CTNNA2: variants seen among roughly 807,000 people sequenced by gnomAD.
CTNNA2 encodes catenin alpha 2.
CTNNA2 carries 42 observed loss-of-function variants against 101.0 expected under a neutral mutation model. That is an observed-to-expected ratio of 0.42 (90% confidence interval 0.32 to 0.54). CTNNA2 has a LOEUF of 0.54. CTNNA2 is among the 20% of genes least tolerant of loss of function. CTNNA2 has a pLI of 0.14. For synonymous variants in CTNNA2, 450 were observed against 456.4 expected, an observed-to-expected ratio of 0.99 and a Z score of 0.18; for missense variants, 871 against 1,223.1, an observed-to-expected ratio of 0.71 and a Z score of 4.29.
At chr2:80,161,313 G>A (rs1003400426) in intron 7 of CTNNA2, among the ~76,000 whole-genome samples, 9 of 152,112 alleles carry the variant, frequency 5.9e-5, no homozygotes, top group African/African-American at 1.9e-4. Flanking sequence ...CCCATGCACA[G>A]CCCTTAGCTT....
At chr2:79,680,462 C>CA (rs1227889703) in intron 2 of CTNNA2, among the ~76,000 whole-genome samples, 11 of 151,750 alleles carry the variant, frequency 7.2e-5, no homozygotes, top group South Asian at 2.1e-4. Flanking sequence ...ACAGAGGTGT[C>CA]AAAAAAATGT....
intron 8 of CTNNA2, among the ~76,000 whole-genome samples, chr2:80,396,032 A>T (rs1179971902): frequency 2.0e-5 from 3 of 152,222 alleles, no homozygotes; most frequent in Non-Finnish European, 2.9e-5. Context: ...ATTGAAAAGA[A>T]ACAAAGTCAA....
chr2:79,861,117 C>T (rs1681591829), intron 4 of CTNNA2, among the ~76,000 whole-genome samples: 1 of 152,086 alleles, frequency 6.6e-6, no homozygotes, highest in South Asian at 2.1e-4. Context: ...GTGACAGTTG[C>T]TTTCTAAGAA....
intron 15 of CTNNA2, chr2:80,603,501 A>G (rs576591667): frequency 6.6e-6 from 1 of 152,224 alleles, no homozygotes; most frequent in East Asian, 1.9e-4. Context: ...GCAAGAGATA[A>G]TTGCTTCTCA....
chr2:79,578,722 C>T (rs954849051), intron 1 of CTNNA2, among the ~76,000 whole-genome samples: 12 of 152,070 alleles, frequency 7.9e-5, no homozygotes, highest in African/African-American at 2.2e-4. Context: ...ATTCTGTTTC[C>T]GGGGCCTGTT....
intron 7 of CTNNA2, among the ~76,000 whole-genome samples, chr2:80,137,844 AC>A (rs1702782692): frequency 6.6e-6 from 1 of 152,024 alleles, no homozygotes; most frequent in South Asian, 2.1e-4. Flanking sequence ...ATTTTAAACA[AC>A]AAAGTATTGT....
At chr2:80,446,822 T>G (rs1204301051) in intron 9 of CTNNA2, among the ~76,000 whole-genome samples, 5 of 152,158 alleles carry the variant, frequency 3.3e-5, no homozygotes, top group African/African-American at 1.2e-4. Flanking sequence ...CAGTATAAAT[T>G]TTCATTTCAT....
At chr2:79,414,335 A>C (rs1198538810) in intron 4 of CTNNA2, among the ~76,000 whole-genome samples, 1 of 152,094 alleles carries the variant, frequency 6.6e-6, no homozygotes, top group African/African-American at 2.4e-5. Context: ...AGACTTATAG[A>C]CTATGAAAGT....
chr2:80,468,068 C>T (rs1266597698), intron 9 of CTNNA2, among the ~76,000 whole-genome samples: 4 of 152,138 alleles, frequency 2.6e-5, no homozygotes, highest in African/African-American at 9.7e-5. Flanking sequence ...TCTGTTGCTA[C>T]CAGTGTCCTT....
At chr2:80,504,406 C>T (rs949300959) in intron 9 of CTNNA2, among the ~76,000 whole-genome samples, 1 of 152,166 alleles carries the variant, frequency 6.6e-6, no homozygotes, top group Non-Finnish European at 1.5e-5. Context: ...CCAGGATCAT[C>T]TCTTTTGCTT....
At chr2:80,463,612 T>C (rs1433683064) in intron 9 of CTNNA2, among the ~76,000 whole-genome samples, 2 of 152,156 alleles carry the variant, frequency 1.3e-5, no homozygotes, top group Non-Finnish European at 2.9e-5. Context: ...GGATTTGGGG[T>C]AACAAGAGGA....
At chr2:79,917,732 G>A (rs143081216) in intron 7 of CTNNA2, among the ~76,000 whole-genome samples, 120 of 152,316 alleles carry the variant, frequency 7.9e-4, no homozygotes, top group Non-Finnish European at 4.4e-4. Flanking sequence ...GTTGGCTGGT[G>A]CTGACCCAGG....
chr2:80,109,647 A>G (rs902018768), intron 7 of CTNNA2, among the ~76,000 whole-genome samples: 1 of 150,586 alleles, frequency 6.6e-6, no homozygotes, highest in Admixed American at 6.6e-5. Flanking sequence ...TGCTTCTCAA[A>G]AACCTTCTGT....
intron 3 of CTNNA2, among the ~76,000 whole-genome samples, chr2:79,338,421 G>T (rs1489817908): frequency 6.6e-6 from 1 of 151,948 alleles, no homozygotes; most frequent in Non-Finnish European, 1.5e-5. Flanking sequence ...AAACCAATGG[G>T]CTTCTAGTGC....
chr2:80,157,158 C>T (rs1704037074), intron 7 of CTNNA2, among the ~76,000 whole-genome samples: 1 of 152,164 alleles, frequency 6.6e-6, no homozygotes, highest in Non-Finnish European at 1.5e-5. Context: ...TTATCCTCTT[C>T]ATCTCAGGGT....
intron 2 of CTNNA2, among the ~76,000 whole-genome samples, chr2:79,211,489 G>A (rs1219451326): frequency 8.5e-5 from 13 of 152,190 alleles, no homozygotes; most frequent in Non-Finnish European, 1.5e-5. Context: ...TAAGATTTGG[G>A]TAGGTAAAGG....
chr2:80,049,412 C>G (rs1311173748), intron 7 of CTNNA2, among the ~76,000 whole-genome samples: 1 of 152,160 alleles, frequency 6.6e-6, no homozygotes, highest in Admixed American at 6.5e-5. Context: ...CATAAAATGC[C>G]TGACACAGTG....
chr2:79,931,627 AG>A (rs1207385886), intron 7 of CTNNA2, among the ~76,000 whole-genome samples: 1 of 152,214 alleles, frequency 6.6e-6, no homozygotes, highest in Non-Finnish European at 1.5e-5. Flanking sequence ...ACAATGGCAC[AG>A]AATTTTACAA....
intron 7 of CTNNA2, among the ~76,000 whole-genome samples, chr2:80,248,091 C>G (rs1405302351): frequency 2.0e-5 from 3 of 151,398 alleles, no homozygotes; most frequent in Non-Finnish European, 2.9e-5. Flanking sequence ...TGTGGCTATG[C>G]TTGTGCCCTA....
Sources: allele counts gnomAD v4.1 joint callset (sites outside exome capture counted in the v4.1 genomes callset), GRCh38; gene constraint gnomAD v4.1.1; transcripts MANE v1.5; gene names NCBI Gene and HGNC (gene_info 2026-07-23, HGNC 2026-07-21).